Variants in RANBP17 observed in about 807,000 individuals in gnomAD.
RANBP17 encodes ran-binding protein 17.
A neutral mutation model predicts 141.2 loss-of-function variants in RANBP17; 158 were observed. That is an observed-to-expected ratio of 1.12 (90% confidence interval 0.98 to 1.28). The LOEUF is 1.28. RANBP17 is among the 50% of genes most tolerant of loss of function. The pLI, the probability that RANBP17 is intolerant of heterozygous loss-of-function variation, is 0.00. For synonymous variants in RANBP17, 430 were observed against 450.0 expected, an observed-to-expected ratio of 0.96 and a Z score of 0.56; for missense variants, 1,438 against 1,290.7, an observed-to-expected ratio of 1.11 and a Z score of -1.75.
At chr5:171,124,752 CAAA>C (rs753634518) in intron 14 of RANBP17, among the ~76,000 whole-genome samples, 1 of 150,564 alleles carries the variant, frequency 6.6e-6, no homozygotes, top group Non-Finnish European at 1.5e-5. Context: ...ATCATCACAA[CAAA>C]AAAAAACCAC....
chr5:171,171,422 G>C, intron 16 of RANBP17, 136 bp downstream of exon 16: 1 of 495,340 alleles, frequency 2.0e-6, no homozygotes, highest in Non-Finnish European at 3.6e-6. Flanking sequence ...AGCCTTATCT[G>C]TAAATGCATG....
At chr5:170,985,121 AC>A (rs1344431524) in intron 14 of RANBP17, among the ~76,000 whole-genome samples, 1 of 151,498 alleles carries the variant, frequency 6.6e-6, no homozygotes, top group African/African-American at 2.4e-5. Context: ...ACAAACACAT[AC>A]ATACACAAAC....
chr5:170,953,308 G>A (rs1775349887), intron 12 of RANBP17, among the ~76,000 whole-genome samples: 3 of 152,036 alleles, frequency 2.0e-5, no homozygotes, highest in Admixed American at 1.3e-4. Flanking sequence ...TTTTACAAAT[G>A]AAAACCCTAA....
chr5:170,910,967 A>G lies in RANBP17; in HGVS notation c.595-2A>G, dbSNP rs773220211. On this transcript the variant is annotated splice_acceptor_variant, in intron 6 of 27. Coordinates refer to ENST00000523189, the MANE Select transcript of RANBP17 (RefSeq NM_022897.5). LOFTEE classifies it high-confidence loss of function. ...TTTTCTTTGATTTTGTACTTTTTTC[A>G]GGTGTTTGCCAAACCTTTAAATCTT... 3 of 1,608,820 alleles carry G rather than the reference A, an allele frequency of 1.9e-6. No individual in the cohort carries two copies. Among genetic ancestry groups the G allele is most frequent in the East Asian group, 2.2e-5 (1 of 44,804 alleles).
intron 13 of RANBP17, among the ~76,000 whole-genome samples, chr5:170,962,082 A>G (rs948106536): frequency 9.9e-5 from 15 of 152,224 alleles, no homozygotes; most frequent in Admixed American, 2.6e-4. Flanking sequence ...TAACAACAAG[A>G]TGGAAGGAAC....
chr5:171,217,736 G>A (rs1345020946), intron 21 of RANBP17, among the ~76,000 whole-genome samples: 3 of 152,128 alleles, frequency 2.0e-5, no homozygotes, highest in African/African-American at 7.2e-5. Context: ...ATTTCTGTGG[G>A]ATCAGTGGTG....
intron 5 of RANBP17, among the ~76,000 whole-genome samples, chr5:170,896,558 G>C (rs1222793027): frequency 6.6e-6 from 1 of 152,182 alleles, no homozygotes; most frequent in Non-Finnish European, 1.5e-5. Flanking sequence ...GACTGGGCCA[G>C]GTGGCTCACG....
intron 14 of RANBP17, among the ~76,000 whole-genome samples, chr5:171,006,074 A>G (rs553194753): frequency 7.8e-4 from 119 of 152,224 alleles, no homozygotes; most frequent in African/African-American, 2.3e-3. Context: ...TAGAATGGCA[A>G]TCATTAAAAA....
At chr5:171,064,146 T>G (rs548731887) in intron 14 of RANBP17, among the ~76,000 whole-genome samples, 3 of 152,336 alleles carry the variant, frequency 2.0e-5, no homozygotes, top group Admixed American at 2.0e-4. Context: ...CTGCTTCGGC[T>G]CACACACGGT....
At position 170,960,723 on chromosome 5, in the gene RANBP17, A is replaced by G. The variant is rs150364554; in HGVS notation, c.1574+7021A>G. On this transcript the variant is annotated intron_variant, in intron 13 of 27. Transcript: ENST00000523189. ...CTAAAGTACAGATCTGATTATGTCA[A>G]TGCTTGGCTTGAACTATGCAATGAC... Among the ~76,000 whole-genome samples the G allele has an allele frequency of 2.9e-4, 44 of 152,318 alleles. No individual in the cohort carries two copies. In the East Asian group the frequency reaches 7.7e-3, roughly 27 times the overall value.
chr5:171,121,060 G>A (rs1392479444), intron 14 of RANBP17, among the ~76,000 whole-genome samples: 3 of 152,180 alleles, frequency 2.0e-5, no homozygotes, highest in African/African-American at 7.2e-5. Context: ...CTTTATGGTG[G>A]CGGTGGTCCA....
chr5:171,184,266 T>G (rs1266092197), intron 18 of RANBP17, among the ~76,000 whole-genome samples: 1 of 152,116 alleles, frequency 6.6e-6, no homozygotes, highest in African/African-American at 2.4e-5. Context: ...ATAAAGAAAA[T>G]GTGGTATATA....
intron 25 of RANBP17, among the ~76,000 whole-genome samples, chr5:171,285,355 G>A (rs1768106067): frequency 6.6e-6 from 1 of 152,210 alleles, no homozygotes; most frequent in Non-Finnish European, 1.5e-5. Context: ...CTATGTGGTA[G>A]TCATTCAGGA....
intron 14 of RANBP17, among the ~76,000 whole-genome samples, chr5:171,128,397 C>T (rs1756655837): frequency 6.6e-6 from 1 of 152,038 alleles, no homozygotes. Context: ...TATATTAAGT[C>T]AAACAAGCAG....
At chr5:171,159,151 T>G (rs1160505294) in intron 14 of RANBP17, among the ~76,000 whole-genome samples, 1 of 152,204 alleles carries the variant, frequency 6.6e-6, no homozygotes, top group Non-Finnish European at 1.5e-5. Context: ...TAAAAGCTTG[T>G]TTAGTGGCAG....
chr5:170,950,654 C>T (rs575169301), intron 12 of RANBP17, among the ~76,000 whole-genome samples: 1 of 152,140 alleles, frequency 6.6e-6, no homozygotes, highest in Admixed American at 6.5e-5. Context: ...ATTAAAACAG[C>T]CATTATGGAA....
intron 14 of RANBP17, among the ~76,000 whole-genome samples, chr5:171,129,632 C>T (rs1173819149): frequency 6.6e-6 from 1 of 152,112 alleles, no homozygotes; most frequent in Non-Finnish European, 1.5e-5. Flanking sequence ...CAGTGGCCAC[C>T]AAAGCTACCA....
chr5:171,053,881 A>T (rs1783142875), intron 14 of RANBP17, among the ~76,000 whole-genome samples: 1 of 3,288 alleles, frequency 3.0e-4, no homozygotes, highest in Non-Finnish European at 5.9e-4. Flanking sequence ...TTTAGTTCAT[A>T]TATATATATA....
chr5:170,901,576 G>C (rs1425987332), intron 5 of RANBP17, among the ~76,000 whole-genome samples: 1 of 152,258 alleles, frequency 6.6e-6, no homozygotes, highest in Admixed American at 6.5e-5. Context: ...ATTGTAGCTG[G>C]TTATTATGCC....
Sources: allele counts gnomAD v4.1 joint callset (sites outside exome capture counted in the v4.1 genomes callset), GRCh38; gene constraint gnomAD v4.1.1; transcripts MANE v1.5; gene names NCBI Gene and HGNC (gene_info 2026-07-23, HGNC 2026-07-21).